The following AKR1E2 variants were observed in gnomAD, a reference collection of about 807,000 sequenced individuals.
AKR1E2 encodes 1,5-anhydro-D-fructose reductase.
Under a neutral mutation model 41.9 loss-of-function variants are expected in AKR1E2, and 43 were observed. The observed-to-expected ratio is 1.03, with a 90% CI of 0.80 to 1.32. The LOEUF (loss-of-function observed/expected upper bound fraction) is 1.32, where lower values mean the gene tolerates loss of function less well. AKR1E2 is among the 40% of genes most tolerant of loss of function. AKR1E2 has a pLI of 0.00. For synonymous variants in AKR1E2, 121 were observed against 138.9 expected, an observed-to-expected ratio of 0.87 and a Z score of 0.91; for missense variants, 423 against 396.5, an observed-to-expected ratio of 1.07 and a Z score of -0.57.
rs1229417572 is a variant in AKR1E2 at position 4,839,841 on chromosome 10, G to C, written c.680+15G>C. The C allele has an allele frequency of 1.2e-6, 2 of 1,608,910 alleles. No individual in the cohort carries two copies. The highest frequency in any genetic ancestry group is 2.7e-5 in the African/African-American group (2 of 74,938). On this transcript the variant is annotated intron_variant, in intron 6 of 9. Coordinates refer to ENST00000298375, the MANE Select transcript of AKR1E2 (RefSeq NM_001040177.3). ...GGTGGCTCGTGGTAAGGATACCTCA[G>C]TGGTGTGTTAGTCAGAGTCCGACTG... is the stretch of plus-strand genomic sequence containing the variant.
At chr10:4,836,609 C>T (rs544277117) in intron 4 of AKR1E2, among the ~76,000 whole-genome samples, 4 of 152,260 alleles carry the variant, frequency 2.6e-5, no homozygotes, top group South Asian at 2.1e-4. Context: ...AGGGAACCCT[C>T]GGACAGGGAG....
chr10:4,853,341 T>A, the AKR1E2 span, among the ~76,000 whole-genome samples: 1 of 152,132 alleles, frequency 6.6e-6, no homozygotes, highest in Non-Finnish European at 1.5e-5. Context: ...GGAGGCATAT[T>A]TAGAGCTTTT....
the AKR1E2 span, among the ~76,000 whole-genome samples, chr10:4,866,235 G>A: frequency 1.3e-5 from 2 of 152,196 alleles, no homozygotes; most frequent in Admixed American, 1.3e-4. Context: ...GGTAGGAGGG[G>A]TTAAATCTAG....
At chr10:4,862,960 C>T in the AKR1E2 span, among the ~76,000 whole-genome samples, 3 of 152,198 alleles carry the variant, frequency 2.0e-5, no homozygotes, top group East Asian at 5.8e-4. Context: ...ATTCATAAAG[C>T]AAGTCCTTAG....
At chr10:4,852,588 GGACA>G (rs10531433), downstream of AKR1E2, among the ~76,000 whole-genome samples, 102,690 of 151,806 alleles carry the variant, frequency 0.68, 35,770 homozygotes, top group East Asian at 0.87. Flanking sequence ...ACAGCTGCAG[GGACA>G]GACCTTCACC....
chr10:4,827,720 A>G (rs1420976332), intron 1 of AKR1E2, among the ~76,000 whole-genome samples: 1 of 152,164 alleles, frequency 6.6e-6, no homozygotes, highest in East Asian at 1.9e-4. Flanking sequence ...TATTTAAATT[A>G]TTTCTCTTAC....
the AKR1E2 span, among the ~76,000 whole-genome samples, chr10:4,854,245 C>T: frequency 6.6e-6 from 1 of 152,006 alleles, no homozygotes. Context: ...AGGTGCATGC[C>T]ACCACATCCA....
At chr10:4,835,543 G>C in intron 3 of AKR1E2, 132 bp from the exon 4 acceptor site, 1 of 1,140,168 alleles carries the variant, frequency 8.8e-7, no homozygotes, top group Non-Finnish European at 1.2e-6. Flanking sequence ...GGTGAAGACT[G>C]GGCCTGGTCA....
chr10:4,849,640 G>T (rs534766255), downstream of AKR1E2, among the ~76,000 whole-genome samples: 2 of 152,346 alleles, frequency 1.3e-5, no homozygotes, highest in South Asian at 4.1e-4. Flanking sequence ...ATGAGGAGAG[G>T]TTGGTCAGCA....
At chr10:4,860,486 TG>T in the AKR1E2 span, among the ~76,000 whole-genome samples, 1 of 152,354 alleles carries the variant, frequency 6.6e-6, no homozygotes, top group Non-Finnish European at 1.5e-5. Context: ...ATTGTTGTCC[TG>T]TCTGATTCAC....
At chr10:4,868,995 A>G in the AKR1E2 span, among the ~76,000 whole-genome samples, 2 of 151,806 alleles carry the variant, frequency 1.3e-5, no homozygotes, top group Non-Finnish European at 2.9e-5. Context: ...TCTTAGTTTT[A>G]TTTCTTTCTT....
the AKR1E2 span, among the ~76,000 whole-genome samples, chr10:4,859,377 G>A: frequency 1.0e-3 from 158 of 152,328 alleles, no homozygotes; most frequent in African/African-American, 3.6e-3. Flanking sequence ...CAGAGGCCAA[G>A]AGGCAGGGAG....
chr10:4,852,777 G>C (rs1395209783), downstream of AKR1E2, among the ~76,000 whole-genome samples: 2 of 151,640 alleles, frequency 1.3e-5, no homozygotes, highest in African/African-American at 2.4e-5. Flanking sequence ...CTTTTTTTTG[G>C]CTTACACGGC....
intron 6 of AKR1E2, among the ~76,000 whole-genome samples, chr10:4,840,414 G>A (rs933411699): frequency 6.6e-6 from 1 of 152,176 alleles, no homozygotes; most frequent in African/African-American, 2.4e-5. Flanking sequence ...TAGCATTCCC[G>A]AGGTCATTAG....
At chr10:4,842,119 G>C (rs1012239198) in intron 7 of AKR1E2, among the ~76,000 whole-genome samples, 4 of 152,128 alleles carry the variant, frequency 2.6e-5, no homozygotes, top group African/African-American at 9.7e-5. Context: ...CCAACTGCAT[G>C]CATGGTTAGT....
chr10:4,865,716 A>G, the AKR1E2 span, among the ~76,000 whole-genome samples: 15 of 152,206 alleles, frequency 9.9e-5, no homozygotes, highest in Non-Finnish European at 2.9e-5. Context: ...TAGGTCTCCT[A>G]GAGATAATCG....
intron 5 of AKR1E2, among the ~76,000 whole-genome samples, chr10:4,839,095 T>C (rs1209189932): frequency 6.6e-6 from 1 of 152,236 alleles, no homozygotes; most frequent in African/African-American, 2.4e-5. Flanking sequence ...CCTGGAATTA[T>C]ATGTGAGAGT....
At position 4,847,560 on chromosome 10, in the gene AKR1E2, GC is replaced by G; in HGVS notation, c.*33del. ...GCTTCCCCTTCCTTGTTTCTGCTCA[GC>G]CCAGATGCACAGACACTATTGGCAA... On this transcript the variant is annotated 3_prime_UTR_variant, in exon 10 of 10. Coordinates refer to ENST00000298375, the MANE Select transcript of AKR1E2 (RefSeq NM_001040177.3). 1 of 1,610,672 alleles carries G rather than the reference GC, an allele frequency of 6.2e-7. No individual in the cohort carries two copies.
At chr10:4,840,302 G>A (rs374470221) in intron 6 of AKR1E2, among the ~76,000 whole-genome samples, 4 of 152,296 alleles carry the variant, frequency 2.6e-5, no homozygotes, top group Admixed American at 6.5e-5. Flanking sequence ...CCCACATCCC[G>A]AGTCCAATCC....
Sources: gnomAD v4.1 joint callset for allele counts (sites outside exome capture counted in the v4.1 genomes callset) on GRCh38, gnomAD v4.1.1 for gene constraint, MANE v1.5 for transcripts, NCBI Gene and HGNC (gene_info 2026-07-23, HGNC 2026-07-21) for gene names.